KPNA3: variants seen among roughly 807,000 people sequenced by gnomAD.
The protein encoded by KPNA3 is karyopherin subunit alpha 3, also known as importin subunit alpha-4.
KPNA3 carries 13 observed loss-of-function variants against 73.8 expected under a neutral mutation model. The ratio of observed to expected loss-of-function variants is 0.18; its 90% CI spans 0.11 to 0.28. KPNA3 has a LOEUF of 0.28. KPNA3 is among the 10% of genes least tolerant of loss of function. KPNA3 has a pLI of 1.00. For synonymous variants in KPNA3, 186 were observed against 206.9 expected (o/e 0.90, Z 0.87); for missense variants, 360 against 618.1 (o/e 0.58, Z 4.43).
chr13:49,790,108 G>C (rs1347385829), intron 1 of KPNA3, among the ~76,000 whole-genome samples: 1 of 152,136 alleles, frequency 6.6e-6, no homozygotes, highest in Non-Finnish European at 1.5e-5. Context: ...GACAATTAGT[G>C]AATAAATAAT....
chr13:49,728,032 G>A lies in KPNA3; in HGVS notation c.384-2531C>T, dbSNP rs530890525. Among the ~76,000 whole-genome samples, 380 of 152,036 alleles carry A rather than the reference G, an allele frequency of 2.5e-3. 2 individuals carry two copies. Among genetic ancestry groups the A allele is most frequent in the Middle Eastern group, 0.021 (6 of 292 alleles). ...AGGCGGATCACGAGGTAAGGAGATCGAGACCATCCTGGCTAACACGGTGAA... is the reference window on the plus strand; with the variant it reads ...AGGCGGATCACGAGGTAAGGAGATCAAGACCATCCTGGCTAACACGGTGAA... On this transcript the variant is annotated intron_variant, in intron 6 of 16. Coordinates refer to ENST00000261667, the MANE Select transcript of KPNA3 (RefSeq NM_002267.4).
At position 49,792,657 on chromosome 13, in the gene KPNA3, A is replaced by C; in HGVS notation, c.-151T>G. The C allele has an allele frequency of 2.5e-6, 1 of 403,906 alleles. No individual in the cohort carries two copies. Among genetic ancestry groups the C allele is most frequent in the Non-Finnish European group, 4.4e-6 (1 of 226,752 alleles). The allele number at this position is 403,906 out of a possible 1,614,324, so 25.0% of individuals were successfully genotyped here. A position where few individuals can be genotyped will look rare whatever the true frequency, so the allele number is the denominator to read the frequency against. On this transcript the variant is annotated 5_prime_UTR_variant, in exon 1 of 17. Transcript: ENST00000261667. ...ACGCCTCCGAGCGCGAGGTGGCAGT[A>C]GCGCCGGGGGAGGCGCGGGCCGACT...
At chr13:49,770,496 G>C (rs571870809) in intron 1 of KPNA3, among the ~76,000 whole-genome samples, 1 of 152,024 alleles carries the variant, frequency 6.6e-6, no homozygotes, top group African/African-American at 2.4e-5. Flanking sequence ...CTACTTCCTT[G>C]ATGGCGTATT....
intron 10 of KPNA3, among the ~76,000 whole-genome samples, chr13:49,715,987 A>C (rs1000112766): frequency 6.8e-6 from 1 of 146,316 alleles, no homozygotes; most frequent in African/African-American, 2.5e-5. Context: ...TTACATGGTC[A>C]CTACTATTAG....
chr13:49,704,364 G>A (rs1017481094), intron 15 of KPNA3, among the ~76,000 whole-genome samples: 5 of 150,522 alleles, frequency 3.3e-5, no homozygotes, highest in East Asian at 3.9e-4. Context: ...CGGAGGTTGC[G>A]GTGAGCCATT....
intron 1 of KPNA3, among the ~76,000 whole-genome samples, chr13:49,752,984 G>A (rs189634329): frequency 1.4e-3 from 182 of 129,622 alleles, no homozygotes; most frequent in African/African-American, 4.9e-3. Context: ...CCGAGATTGC[G>A]CCATTGCACT....
chr13:49,701,474 G>GA lies in KPNA3; in HGVS notation c.*325dup. On this transcript the variant is annotated 3_prime_UTR_variant, in exon 17 of 17. Transcript: ENST00000261667. ...TCCAAAGGAGTATCAGTGGGCAGCT[G>GA]ACATGTCACCACTATGGAATATTTA... 1 of 487,352 alleles carries GA rather than the reference G, an allele frequency of 2.1e-6. No individual in the cohort carries two copies. The highest frequency in any genetic ancestry group is 1.5e-5 in the South Asian group (1 of 64,724). 30.2% of individuals were successfully genotyped at this position (487,352 alleles called of 1,614,324 possible).
chr13:49,770,089 T>C (rs1954840737), intron 1 of KPNA3, among the ~76,000 whole-genome samples: 1 of 152,110 alleles, frequency 6.6e-6, no homozygotes. Flanking sequence ...CTTTGTATTG[T>C]TCAGCTGTAG....
chr13:49,762,245 A>AG (rs552372571), intron 1 of KPNA3, among the ~76,000 whole-genome samples: 468 of 129,224 alleles, frequency 3.6e-3, no homozygotes, highest in Non-Finnish European at 6.1e-3. Flanking sequence ...CGGAGGGAGG[A>AG]GGGGGGGCGC....
At chr13:49,755,943 T>C (rs1024948504) in intron 1 of KPNA3, among the ~76,000 whole-genome samples, 7 of 152,114 alleles carry the variant, frequency 4.6e-5, no homozygotes, top group African/African-American at 1.7e-4. Flanking sequence ...TTCTATATAC[T>C]AGCAATGAAC....
chr13:49,738,839 T>C (rs919628274), intron 2 of KPNA3, among the ~76,000 whole-genome samples: 12 of 152,204 alleles, frequency 7.9e-5, no homozygotes, highest in African/African-American at 2.7e-4. Flanking sequence ...TCTTGCCTTA[T>C]ATGGCACTGG....
At chr13:49,730,770 T>A (rs932581515) in intron 6 of KPNA3, among the ~76,000 whole-genome samples, 3 of 39,666 alleles carry the variant, frequency 7.6e-5, no homozygotes, top group East Asian at 2.7e-3. Flanking sequence ...CCCTCCCCCC[T>A]CCCCCCTATT....
intron 10 of KPNA3, among the ~76,000 whole-genome samples, chr13:49,712,944 C>T (rs1273851479): frequency 6.7e-6 from 1 of 150,150 alleles, no homozygotes; most frequent in Non-Finnish European, 1.5e-5. Flanking sequence ...ATCTATCAAC[C>T]TATGTGAATG....
chr13:49,738,568 C>T (rs538555751), intron 2 of KPNA3, among the ~76,000 whole-genome samples: 1 of 152,242 alleles, frequency 6.6e-6, no homozygotes, highest in East Asian at 1.9e-4. Flanking sequence ...AAATCCTGTA[C>T]ATGTTTGTTA....
chr13:49,785,606 A>C (rs1427393053), intron 1 of KPNA3, among the ~76,000 whole-genome samples: 1 of 152,194 alleles, frequency 6.6e-6, no homozygotes, highest in Non-Finnish European at 1.5e-5. Flanking sequence ...ATGAGCAAGA[A>C]AAACAGTCTA....
At chr13:49,716,137 A>T (rs1954302486) in intron 10 of KPNA3, among the ~76,000 whole-genome samples, 3 of 152,228 alleles carry the variant, frequency 2.0e-5, no homozygotes, top group Non-Finnish European at 4.4e-5. Context: ...AGGCACCCTG[A>T]AACTGCAAAT....
Position 49,700,296 on chromosome 13 carries a change from C to T in KPNA3, c.*1504G>A, listed in dbSNP as rs763392276. On this transcript the variant is annotated 3_prime_UTR_variant, in exon 17 of 17. Transcript: ENST00000261667. Reference sequence around the variant, plus strand: ...TCTCATCTTCATCACAGTAAATACACCCCCCAATGGATAACTAAATTAGTT... The same window carrying T: ...TCTCATCTTCATCACAGTAAATACATCCCCCAATGGATAACTAAATTAGTT... 2.0e-5 allele frequency: 3 copies of T among 152,566 alleles called. No individual in the cohort carries two copies. The highest frequency in any genetic ancestry group is 1.3e-4 in the Admixed American group (2 of 15,258). The allele number at this position is 152,566 out of a possible 1,614,324, so 9.5% of individuals were successfully genotyped here.
intron 10 of KPNA3, among the ~76,000 whole-genome samples, chr13:49,716,274 T>TA (rs1954303323): frequency 6.6e-6 from 1 of 151,938 alleles, no homozygotes; most frequent in Non-Finnish European, 1.5e-5. Context: ...GCTATCAACC[T>TA]AAAAAAAAAA....
intron 1 of KPNA3, among the ~76,000 whole-genome samples, chr13:49,775,455 T>C (rs1954890428): frequency 6.6e-6 from 1 of 152,148 alleles, no homozygotes; most frequent in East Asian, 1.9e-4. Context: ...CTCATGCTAA[T>C]ACCCTGGGTC....
Sources: allele counts gnomAD v4.1 joint callset (sites outside exome capture counted in the v4.1 genomes callset), GRCh38; gene constraint gnomAD v4.1.1; transcripts MANE v1.5; gene names NCBI Gene and HGNC (gene_info 2026-07-23, HGNC 2026-07-21).